The following ZFPM2 variants were observed in gnomAD, a reference collection of about 807,000 sequenced individuals.
ZFPM2 encodes the protein zinc finger protein, FOG family member 2.
Under a neutral mutation model 98.6 loss-of-function variants are expected in ZFPM2, and 20 were observed. The observed-to-expected ratio is 0.20, with a 90% CI of 0.14 to 0.29. The LOEUF (loss-of-function observed/expected upper bound fraction) is 0.29. Among genes scored for constraint, ZFPM2 ranks in the 10% least tolerant of loss-of-function variants. The pLI, the probability that ZFPM2 is intolerant of heterozygous loss-of-function variation, is 1.00. For missense variants in ZFPM2, 1,310 were observed against 1,388.6 expected (o/e 0.94, Z 0.90); for synonymous variants, 518 against 502.7 (o/e 1.03, Z -0.41).
intron 3 of ZFPM2, among the ~76,000 whole-genome samples, chr8:105,496,673 G>T (rs1489751039): frequency 2.2e-4 from 28 of 128,380 alleles, no homozygotes; most frequent in Admixed American, 4.0e-4. Context: ...TGTTTTTTTG[G>T]TTTTTTTTTT....
chr8:105,660,233 T>C (rs1193383951), intron 5 of ZFPM2, among the ~76,000 whole-genome samples: 1 of 152,180 alleles, frequency 6.6e-6, no homozygotes, highest in Non-Finnish European at 1.5e-5. Flanking sequence ...GTTTTTTTCA[T>C]TGTTTGGTTC....
Position 105,393,337 on chromosome 8 carries a change from C to CTGTCTGTCTGTCTTT in ZFPM2, c.41-25807_41-25806insTGTCTGTCTGTCTTT, listed in dbSNP as rs1554600680. ...TCTTCCTTCCCTCTCTCTCTCTTTG[C>CTGTCTGTCTGTCTTT]CTTTCTTTCTTTCTTTCTTTCTTTC... On this transcript the variant is annotated intron_variant, in intron 1 of 7. Transcript: ENST00000407775. Among the ~76,000 whole-genome samples, 61 of 114,848 alleles carry CTGTCTGTCTGTCTTT rather than the reference C, an allele frequency of 5.3e-4. 1 individual carries two copies. The highest frequency in any genetic ancestry group is 1.9e-3 in the African/African-American group (60 of 31,378). 75.3% of individuals were successfully genotyped at this position (114,848 alleles called of 152,430 possible). A position where few individuals can be genotyped will look rare whatever the true frequency, so the allele number is the denominator to read the frequency against.
intron 1 of ZFPM2, among the ~76,000 whole-genome samples, chr8:105,403,996 A>C (rs113119171): frequency 0.046 from 1,262 of 27,226 alleles, 16 homozygotes; most frequent in African/African-American, 0.12. Flanking sequence ...GTGTTAAAAC[A>C]ACAACAACAA....
At chr8:105,521,407 GA>G (rs1814057292) in intron 3 of ZFPM2, among the ~76,000 whole-genome samples, 2 of 58,958 alleles carry the variant, frequency 3.4e-5, no homozygotes, top group African/African-American at 2.7e-4. Flanking sequence ...ATTAAGGGGG[GA>G]GGGGGGGAGG....
At position 105,556,303 on chromosome 8, in the gene ZFPM2, G is replaced by A. The variant is rs562221011; in HGVS notation, c.302-5060G>A. Among the ~76,000 whole-genome samples the A allele has an allele frequency of 2.0e-5, 3 of 152,258 alleles. No homozygotes were observed. In the South Asian group the frequency reaches 6.2e-4, roughly 32 times the overall value. The stretch of plus-strand genomic sequence containing the variant: ...TGGATAAAGGTGACAAAGAGGGCAC[G>A]TGACCACAAGCAGACATCAATGAAT... On this transcript the variant is annotated intron_variant, in intron 3 of 7. Coordinates refer to ENST00000407775, the MANE Select transcript of ZFPM2 (RefSeq NM_012082.4).
chr8:105,419,253 T>G lies in ZFPM2; in HGVS notation c.150T>G (p.Phe50Leu), dbSNP rs752198895. ...FPLEESFSTEFGPENLSCEEV... is the reference protein window; with the variant it reads ...FPLEESFSTELGPENLSCEEV... ...TGGAGGAAAGCTTTTCCACAGAATT[T>G]GGGCCTGAAAATCTGAGCTGCGAAG... Residue 50 changes from phenylalanine (F) to leucine (L), a missense_variant, in exon 2 of 8, where the codon TTT becomes TTG. Phe to Leu is a conservative substitution (Grantham distance 22). Transcript: ENST00000407775. 2 of 1,613,656 alleles carry G rather than the reference T, an allele frequency of 1.2e-6. No homozygotes were observed. The highest frequency in any genetic ancestry group is 4.5e-5 in the East Asian group (2 of 44,842).
chr8:105,608,001 G>T (rs1158355725), intron 4 of ZFPM2, among the ~76,000 whole-genome samples: 1 of 152,106 alleles, frequency 6.6e-6, no homozygotes, highest in African/African-American at 2.4e-5. Context: ...ATACTGTGCA[G>T]CCGTAAAAAA....
chr8:105,372,821 A>G (rs17283482), intron 1 of ZFPM2, among the ~76,000 whole-genome samples: 17,646 of 152,240 alleles, frequency 0.12, 1,292 homozygotes, highest in Non-Finnish European at 0.16. Flanking sequence ...AGTTTTATCC[A>G]TCAGGACATG....
chr8:105,795,436 C>T (rs922606622), intron 6 of ZFPM2, among the ~76,000 whole-genome samples: 1 of 151,414 alleles, frequency 6.6e-6, no homozygotes, highest in African/African-American at 2.4e-5. Context: ...AAGGCGAGCA[C>T]CTTTCATTAA....
intron 3 of ZFPM2, among the ~76,000 whole-genome samples, chr8:105,490,502 C>G (rs542383708): frequency 2.0e-5 from 3 of 152,264 alleles, no homozygotes; most frequent in African/African-American, 7.2e-5. Flanking sequence ...AGACAGACCA[C>G]AGCTATTGTT....
chr8:105,319,095 C>G (rs1811968174), intron 1 of ZFPM2, 114 bp downstream of exon 1: 2 of 1,256,810 alleles, frequency 1.6e-6, no homozygotes, highest in African/African-American at 3.1e-5. Flanking sequence ...CTCCCGGTCC[C>G]CTAGATGTCT....
chr8:105,413,267 C>T (rs1811612551), intron 1 of ZFPM2, among the ~76,000 whole-genome samples: 1 of 151,756 alleles, frequency 6.6e-6, no homozygotes, highest in Non-Finnish European at 1.5e-5. Context: ...CTTTTCATCA[C>T]ATAGAATATG....
intron 2 of ZFPM2, among the ~76,000 whole-genome samples, chr8:105,441,962 T>A (rs1465260388): frequency 6.6e-6 from 1 of 152,126 alleles, no homozygotes; most frequent in Non-Finnish European, 1.5e-5. Flanking sequence ...TTTTTGTTCC[T>A]GAGACTTTTT....
At chr8:105,643,633 A>C (rs997968388) in intron 5 of ZFPM2, among the ~76,000 whole-genome samples, 1 of 152,146 alleles carries the variant, frequency 6.6e-6, no homozygotes, top group African/African-American at 2.4e-5. Flanking sequence ...CAAAAAATCA[A>C]TGCTGATCAG....
chr8:105,546,481 A>G (rs1162635326), intron 3 of ZFPM2, among the ~76,000 whole-genome samples: 1 of 151,538 alleles, frequency 6.6e-6, no homozygotes, highest in Non-Finnish European at 1.5e-5. Flanking sequence ...AGGCAGGAGA[A>G]TCACTTGAAC....
chr8:105,540,555 GA>G (rs1490915589), intron 3 of ZFPM2, among the ~76,000 whole-genome samples: 9 of 152,166 alleles, frequency 5.9e-5, no homozygotes, highest in African/African-American at 2.2e-4. Flanking sequence ...CTATTGAAAT[GA>G]AACATACTTT....
At chr8:105,389,991 C>A (rs183865470) in intron 1 of ZFPM2, among the ~76,000 whole-genome samples, 1 of 152,202 alleles carries the variant, frequency 6.6e-6, no homozygotes, top group African/African-American at 2.4e-5. Context: ...AAGTACGTCC[C>A]TTATAATATC....
At chr8:105,583,201 T>C (rs1337818908) in intron 4 of ZFPM2, among the ~76,000 whole-genome samples, 1 of 152,148 alleles carries the variant, frequency 6.6e-6, no homozygotes, top group Non-Finnish European at 1.5e-5. Flanking sequence ...TGGAATGGAA[T>C]ATCTATATTT....
intron 1 of ZFPM2, among the ~76,000 whole-genome samples, chr8:105,383,121 A>G (rs895343671): frequency 3.9e-5 from 6 of 152,182 alleles, no homozygotes; most frequent in Non-Finnish European, 8.8e-5. Context: ...CCTGAGCTTT[A>G]AAGAAAAGAC....
Sources: gnomAD v4.1 joint callset for allele counts (sites outside exome capture counted in the v4.1 genomes callset) on GRCh38, gnomAD v4.1.1 for gene constraint, MANE v1.5 for transcripts, NCBI Gene and HGNC (gene_info 2026-07-23, HGNC 2026-07-21) for gene names.